Variants in JAKMIP2 observed in about 807,000 individuals in gnomAD.
The protein encoded by JAKMIP2 is janus kinase and microtubule-interacting protein 2.
A neutral mutation model predicts 115.0 loss-of-function variants in JAKMIP2; 25 were observed. The ratio of observed to expected loss-of-function variants is 0.22; its 90% CI spans 0.16 to 0.30. JAKMIP2 has a LOEUF of 0.30. JAKMIP2 is among the 10% of genes least tolerant of loss of function. JAKMIP2 has a pLI of 1.00. For missense variants in JAKMIP2, 642 were observed against 957.6 expected (o/e 0.67, Z 4.35); for synonymous variants, 334 against 343.6 (o/e 0.97, Z 0.31).
chr5:147,725,493 A>G (rs564272060), intron 1 of JAKMIP2, among the ~76,000 whole-genome samples: 1 of 152,238 alleles, frequency 6.6e-6, no homozygotes, highest in Non-Finnish European at 1.5e-5. Flanking sequence ...CTTTTTGGCA[A>G]CATGTTCTTG....
intron 2 of JAKMIP2, chr5:147,661,800 TAAC>T: frequency 4.2e-6 from 1 of 238,798 alleles, no homozygotes; most frequent in Non-Finnish European, 8.1e-6. Context: ...ATTTGCATCT[TAAC>T]AAATCCCCAT....
chr5:147,779,877 T>C (rs141711369), intron 1 of JAKMIP2, among the ~76,000 whole-genome samples: 36 of 152,254 alleles, frequency 2.4e-4, no homozygotes, highest in African/African-American at 8.7e-4. Flanking sequence ...AGAGAAGAAT[T>C]CATTGCTTTA....
chr5:147,756,524 G>A (rs1321912174), intron 1 of JAKMIP2, among the ~76,000 whole-genome samples: 3 of 152,036 alleles, frequency 2.0e-5, no homozygotes, highest in Non-Finnish European at 4.4e-5. Context: ...TTTTGTTTGA[G>A]GAATTCAAAA....
rs77301397 is a variant in JAKMIP2, at chr5:147,591,716, A to T, written c.*21-30T>A. Reference sequence around the variant, plus strand: ...AAAACAGAGGAAAAAAATTATTTATATATCAATTTTGTTAATAGCTGAATC... The same window carrying T: ...AAAACAGAGGAAAAAAATTATTTATTTATCAATTTTGTTAATAGCTGAATC... On this transcript the variant is annotated intron_variant, in intron 21 of 21. Coordinates refer to ENST00000616793, the MANE Select transcript of JAKMIP2 (RefSeq NM_001270941.2). The T allele has an allele frequency of 2.8e-6, 4 of 1,410,978 alleles. No individual in the cohort carries two copies. In the African/African-American group the frequency reaches 4.3e-5, roughly 15 times the overall value. The allele number at this position is 1,410,978 out of a possible 1,614,324, so 87.4% of individuals were successfully genotyped here. A position where few individuals can be genotyped will look rare whatever the true frequency, so the allele number is the denominator to read the frequency against.
intron 2 of JAKMIP2, among the ~76,000 whole-genome samples, chr5:147,664,964 C>T (rs969574059): frequency 1.3e-5 from 2 of 152,172 alleles, no homozygotes; most frequent in African/African-American, 4.8e-5. Flanking sequence ...CCCTCCTCAA[C>T]CCCTTCCCAG....
chr5:147,616,666 A>G (rs1756597853), intron 19 of JAKMIP2, among the ~76,000 whole-genome samples: 1 of 152,240 alleles, frequency 6.6e-6, no homozygotes, highest in Non-Finnish European at 1.5e-5. Flanking sequence ...CAATGATGGC[A>G]TAGAGTCTAT....
intron 1 of JAKMIP2, among the ~76,000 whole-genome samples, chr5:147,762,903 G>A (rs1754980472): frequency 6.6e-6 from 1 of 152,084 alleles, no homozygotes; most frequent in Non-Finnish European, 1.5e-5. Context: ...CTTTTGATAT[G>A]AATTGACAAG....
chr5:147,700,276 G>T (rs1334357437), intron 1 of JAKMIP2, among the ~76,000 whole-genome samples: 1 of 151,710 alleles, frequency 6.6e-6, no homozygotes, highest in Non-Finnish European at 1.5e-5. Flanking sequence ...AGAACTAGTG[G>T]CTATAAAAAT....
intron 20 of JAKMIP2, among the ~76,000 whole-genome samples, chr5:147,606,997 T>G (rs182726889): frequency 2.2e-4 from 34 of 152,322 alleles, no homozygotes; most frequent in African/African-American, 8.2e-4. Context: ...TGTATAGGAA[T>G]GCTTGTGATT....
intron 1 of JAKMIP2, among the ~76,000 whole-genome samples, chr5:147,759,885 C>T (rs943634092): frequency 7.9e-5 from 12 of 151,926 alleles, no homozygotes; most frequent in African/African-American, 2.9e-4. Flanking sequence ...TAGTCCCAGT[C>T]GTGGGTTACT....
At chr5:147,676,274 T>C (rs563101918) in intron 1 of JAKMIP2, among the ~76,000 whole-genome samples, 12 of 152,258 alleles carry the variant, frequency 7.9e-5, no homozygotes, top group African/African-American at 2.2e-4. Flanking sequence ...AGGCGGAGCT[T>C]GCAGTGAGCC....
chr5:147,588,020 T>G lies in JAKMIP2; in HGVS notation c.*3687A>C, dbSNP rs915064484. 2 of 152,092 alleles carry G rather than the reference T, an allele frequency of 1.3e-5. No homozygotes were observed. The highest frequency in any genetic ancestry group is 4.8e-5 in the African/African-American group (2 of 41,408). 9.4% of individuals were successfully genotyped at this position (152,092 alleles called of 1,614,324 possible). A position where few individuals can be genotyped will look rare whatever the true frequency, so the allele number is the denominator to read the frequency against. ...ACCTAACTGTTGGTAATAATTTAAT[T>G]TATATAGCATAAGTCAGAAGGGTTG... On this transcript the variant is annotated 3_prime_UTR_variant, in exon 22 of 22. Coordinates refer to ENST00000616793, the MANE Select transcript of JAKMIP2 (RefSeq NM_001270941.2).
intron 1 of JAKMIP2, among the ~76,000 whole-genome samples, chr5:147,767,759 G>A (rs781258278): frequency 3.3e-5 from 5 of 151,936 alleles, no homozygotes; most frequent in Non-Finnish European, 7.4e-5. Context: ...TGCAAGAAAC[G>A]GTTCAAATTG....
intron 1 of JAKMIP2, among the ~76,000 whole-genome samples, chr5:147,685,160 G>A (rs1760508438): frequency 6.6e-6 from 1 of 152,170 alleles, no homozygotes; most frequent in African/African-American, 2.4e-5. Flanking sequence ...ATGTGTTTGA[G>A]CCTGAAGCTT....
intron 18 of JAKMIP2, among the ~76,000 whole-genome samples, chr5:147,618,917 C>T (rs760357861): frequency 6.6e-6 from 1 of 151,956 alleles, no homozygotes; most frequent in Non-Finnish European, 1.5e-5. Flanking sequence ...GCTTTATGGT[C>T]GCCATATTTT....
At chr5:147,756,863 A>G (rs919694684) in intron 1 of JAKMIP2, among the ~76,000 whole-genome samples, 1 of 152,196 alleles carries the variant, frequency 6.6e-6, no homozygotes, top group Non-Finnish European at 1.5e-5. Flanking sequence ...AGAACAGAGG[A>G]CATGAAAAAT....
At chr5:147,599,676 G>A (rs1426884589) in intron 21 of JAKMIP2, among the ~76,000 whole-genome samples, 3 of 152,098 alleles carry the variant, frequency 2.0e-5, no homozygotes, top group Admixed American at 6.5e-5. Flanking sequence ...AATAGATGAC[G>A]CTTCTGATGA....
intron 1 of JAKMIP2, among the ~76,000 whole-genome samples, chr5:147,779,870 G>A (rs946071079): frequency 6.6e-6 from 1 of 152,126 alleles, no homozygotes; most frequent in Non-Finnish European, 1.5e-5. Context: ...TTTGATGAGA[G>A]AAGAATTCAT....
chr5:147,658,465 C>T (rs1394547510), intron 3 of JAKMIP2, among the ~76,000 whole-genome samples: 1 of 152,174 alleles, frequency 6.6e-6, no homozygotes, highest in African/African-American at 2.4e-5. Context: ...GCTGGGAGGT[C>T]TCTCCCAGTC....
Sources: gnomAD v4.1 joint callset for allele counts (sites outside exome capture counted in the v4.1 genomes callset) on GRCh38, gnomAD v4.1.1 for gene constraint, MANE v1.5 for transcripts, NCBI Gene and HGNC (gene_info 2026-07-23, HGNC 2026-07-21) for gene names.